The following DAP variants were observed in gnomAD, a reference collection of about 807,000 sequenced individuals.
DAP encodes the protein death associated protein, also known as death-associated protein 1.
A neutral mutation model predicts 13.8 loss-of-function variants in DAP; 8 were observed. The ratio of observed to expected loss-of-function variants is 0.58; its 90% CI spans 0.34 to 1.05. The LOEUF (loss-of-function observed/expected upper bound fraction) is 1.05. DAP is among the 50% of genes least tolerant of loss of function. The pLI is 0.03. For missense variants in DAP, 106 were observed against 133.2 expected (o/e 0.80, Z 1.01); for synonymous variants, 47 against 47.5 (o/e 0.99, Z 0.04).
rs77878661 is a variant in DAP at position 10,741,872 on chromosome 5, C to T, written c.152+6303G>A. Among the ~76,000 whole-genome samples the T allele has an allele frequency of 4.6e-3, 699 of 152,326 alleles. 2 individuals are homozygous for T. Among genetic ancestry groups the T allele is most frequent in the African/African-American group, 0.016 (645 of 41,564 alleles). ...TGAAGGTGGTGCTCTGCCTTCTTCC[C>T]GTTTTCATACTGTACACAATGTGCT... On this transcript the variant is annotated intron_variant, in intron 2 of 3. Coordinates refer to ENST00000230895, the MANE Select transcript of DAP (RefSeq NM_004394.3).
intron 1 of DAP, 94 bp downstream of exon 1, chr5:10,760,920 C>A: frequency 2.4e-6 from 2 of 824,286 alleles, no homozygotes; most frequent in Non-Finnish European, 3.2e-6. Context: ...TCAGCGCTCG[C>A]CGGGGCCCTC....
chr5:10,755,503 G>A (rs72646804), intron 1 of DAP, among the ~76,000 whole-genome samples: 13,873 of 152,126 alleles, frequency 0.091, 824 homozygotes, highest in East Asian at 0.3. Flanking sequence ...CCAGCACGGC[G>A]ACCTACACTT....
chr5:10,700,641 T>C (rs1350344733), intron 2 of DAP, among the ~76,000 whole-genome samples: 1 of 152,152 alleles, frequency 6.6e-6, no homozygotes, highest in Non-Finnish European at 1.5e-5. Context: ...GCCTGGGCGC[T>C]TCCATCAGGT....
intron 2 of DAP, among the ~76,000 whole-genome samples, chr5:10,731,550 G>C (rs762930589): frequency 9.9e-5 from 15 of 152,164 alleles, no homozygotes; most frequent in Non-Finnish European, 2.1e-4. Context: ...TGGGCCACCT[G>C]CTCATCCCCA....
intron 1 of DAP, among the ~76,000 whole-genome samples, chr5:10,755,302 G>A (rs930168275): frequency 6.6e-6 from 1 of 152,232 alleles, no homozygotes; most frequent in African/African-American, 2.4e-5. Flanking sequence ...CGATCCTCCA[G>A]AAGGAACCAG....
chr5:10,742,758 G>T (rs533778309), intron 2 of DAP, among the ~76,000 whole-genome samples: 1 of 152,218 alleles, frequency 6.6e-6, no homozygotes, highest in East Asian at 1.9e-4. Context: ...CCTCTGACTG[G>T]GGAATGGTGT....
chr5:10,682,091 G>A (rs1301497462), intron 3 of DAP, among the ~76,000 whole-genome samples: 1 of 150,638 alleles, frequency 6.6e-6, no homozygotes, highest in East Asian at 2.0e-4. Flanking sequence ...GTCCCTGCAA[G>A]AAGCGTGGGG....
At chr5:10,753,594 T>C (rs1024602185) in intron 1 of DAP, among the ~76,000 whole-genome samples, 3 of 152,226 alleles carry the variant, frequency 2.0e-5, no homozygotes, top group African/African-American at 4.8e-5. Context: ...GGTGTCAGGA[T>C]GCCTGGCTGT....
At chr5:10,733,106 C>T (rs1221609762) in intron 2 of DAP, among the ~76,000 whole-genome samples, 6 of 151,558 alleles carry the variant, frequency 4.0e-5, no homozygotes, top group Non-Finnish European at 7.4e-5. Context: ...TCCCCCATGA[C>T]GTGGCATATG....
intron 1 of DAP, among the ~76,000 whole-genome samples, chr5:10,756,600 C>A (rs773272939): frequency 3.3e-5 from 5 of 152,136 alleles, no homozygotes; most frequent in Non-Finnish European, 7.3e-5. Context: ...GTCTGCTTTT[C>A]AAAGAAAACC....
intron 2 of DAP, among the ~76,000 whole-genome samples, chr5:10,728,830 A>G (rs1201343043): frequency 6.6e-6 from 1 of 152,180 alleles, no homozygotes; most frequent in Non-Finnish European, 1.5e-5. Context: ...AGAGATGCGG[A>G]GAGGAAGAGG....
chr5:10,713,761 G>A (rs865941434), intron 2 of DAP, among the ~76,000 whole-genome samples: 5 of 152,248 alleles, frequency 3.3e-5, no homozygotes, highest in South Asian at 2.1e-4. Flanking sequence ...GCGGGGCTGG[G>A]CAAGTGCTGC....
At chr5:10,729,179 G>A (rs1739372989) in intron 2 of DAP, among the ~76,000 whole-genome samples, 1 of 152,146 alleles carries the variant, frequency 6.6e-6, no homozygotes, top group South Asian at 2.1e-4. Flanking sequence ...ACTTTCCACT[G>A]AAGCCAGGTA....
chr5:10,712,712 C>T (rs769311987), intron 2 of DAP, among the ~76,000 whole-genome samples: 8 of 152,054 alleles, frequency 5.3e-5, no homozygotes, highest in African/African-American at 1.4e-4. Context: ...TAGACTAGGG[C>T]AAGGGAAGCC....
chr5:10,703,273 G>A (rs1400236751), intron 2 of DAP, among the ~76,000 whole-genome samples: 1 of 152,182 alleles, frequency 6.6e-6, no homozygotes, highest in Non-Finnish European at 1.5e-5. Context: ...ATGATGCTTA[G>A]GTTCCTAAAC....
At chr5:10,702,813 G>C (rs1738614401) in intron 2 of DAP, among the ~76,000 whole-genome samples, 1 of 152,158 alleles carries the variant, frequency 6.6e-6, no homozygotes, top group Non-Finnish European at 1.5e-5. Flanking sequence ...ACCAGAGAAA[G>C]ACTAAGCATC....
chr5:10,721,112 G>A (rs188561241), intron 2 of DAP, among the ~76,000 whole-genome samples: 4 of 152,242 alleles, frequency 2.6e-5, no homozygotes, highest in Admixed American at 2.0e-4. Context: ...CACTAACTAG[G>A]TGACAATACT....
chr5:10,760,351 G>A (rs1038674198), intron 1 of DAP, among the ~76,000 whole-genome samples: 5 of 152,154 alleles, frequency 3.3e-5, no homozygotes, highest in Non-Finnish European at 7.4e-5. Flanking sequence ...CCAGAGAGAG[G>A]AGGAGGTGGC....
chr5:10,743,779 G>A (rs1739828834), intron 2 of DAP, among the ~76,000 whole-genome samples: 1 of 152,120 alleles, frequency 6.6e-6, no homozygotes, highest in Non-Finnish European at 1.5e-5. Context: ...AAGCAGCCAC[G>A]CAGGAAAGTA....
Sources: allele counts gnomAD v4.1 joint callset (sites outside exome capture counted in the v4.1 genomes callset), GRCh38; gene constraint gnomAD v4.1.1; transcripts MANE v1.5; gene names NCBI Gene and HGNC (gene_info 2026-07-23, HGNC 2026-07-21).